The following SERGEF variants were observed in gnomAD, a reference collection of about 807,000 sequenced individuals.
The protein encoded by SERGEF is secretion regulating guanine nucleotide exchange factor.
In SERGEF, 51 loss-of-function variants were observed where a neutral mutation model predicts 50.0. The ratio of observed to expected loss-of-function variants is 1.02; its 90% CI spans 0.81 to 1.29. The LOEUF (loss-of-function observed/expected upper bound fraction) is 1.29, where lower values mean the gene tolerates loss of function less well. SERGEF is among the 50% of genes most tolerant of loss of function. SERGEF has a pLI of 0.00. For synonymous variants in SERGEF, 205 were observed against 212.4 expected (o/e 0.97, Z 0.30); for missense variants, 521 against 557.0 (o/e 0.94, Z 0.65).
chr11:17,943,360 C>G (rs1352022873), intron 9 of SERGEF, among the ~76,000 whole-genome samples: 1 of 152,098 alleles, frequency 6.6e-6, no homozygotes, highest in Non-Finnish European at 1.5e-5. Context: ...AATTTATAGG[C>G]ATAAAGTTAT....
intron 8 of SERGEF, among the ~76,000 whole-genome samples, chr11:17,975,665 A>T (rs534838223): frequency 6.0e-4 from 91 of 152,212 alleles, no homozygotes; most frequent in African/African-American, 2.1e-3. Flanking sequence ...GCCTCAACAG[A>T]GGAGACTGCA....
At chr11:17,939,214 G>C (rs142859835) in intron 9 of SERGEF, among the ~76,000 whole-genome samples, 2 of 152,274 alleles carry the variant, frequency 1.3e-5, no homozygotes, top group Middle Eastern at 3.4e-3. Context: ...GAGAACAAGA[G>C]GGGAAGGTTG....
chr11:18,009,294 A>G (rs1299781415), intron 1 of SERGEF, among the ~76,000 whole-genome samples: 1 of 152,126 alleles, frequency 6.6e-6, no homozygotes, highest in African/African-American at 2.4e-5. Flanking sequence ...ATATGAGAAG[A>G]GTCCTAGGCA....
chr11:17,811,767 G>C (rs535621345), intron 10 of SERGEF, among the ~76,000 whole-genome samples: 44 of 152,350 alleles, frequency 2.9e-4, no homozygotes, highest in African/African-American at 1.0e-3. Flanking sequence ...AAGATTGGAA[G>C]AGAAACAAAT....
At chr11:17,886,540 T>C (rs1364415725) in intron 9 of SERGEF, among the ~76,000 whole-genome samples, 1 of 152,018 alleles carries the variant, frequency 6.6e-6, no homozygotes, top group African/African-American at 2.4e-5. Context: ...TCACTTAACC[T>C]GGGAGGCGAA....
intron 9 of SERGEF, among the ~76,000 whole-genome samples, chr11:17,883,867 G>A (rs1365972924): frequency 1.3e-5 from 2 of 152,204 alleles, no homozygotes; most frequent in Non-Finnish European, 2.9e-5. Context: ...ACAAAGTTCT[G>A]TCGCCTGCCC....
At chr11:17,831,037 G>A (rs148290233) in intron 10 of SERGEF, among the ~76,000 whole-genome samples, 175 of 151,974 alleles carry the variant, frequency 1.2e-3, no homozygotes, top group African/African-American at 3.9e-3. Context: ...CTATTTTCAC[G>A]GTAAACTGAA....
chr11:17,830,546 G>GAGAGAGGGAGAGAGAGAGGA (rs1850275171), intron 10 of SERGEF, among the ~76,000 whole-genome samples: 1 of 150,152 alleles, frequency 6.7e-6, no homozygotes, highest in African/African-American at 2.5e-5. Flanking sequence ...GAGAGAGGAA[G>GAGAGAGGGAGAGAGAGAGGA]AGAGAGGGAG....
chr11:17,899,373 C>T (rs571841471), intron 9 of SERGEF, among the ~76,000 whole-genome samples: 10 of 152,226 alleles, frequency 6.6e-5, no homozygotes, highest in African/African-American at 1.9e-4. Flanking sequence ...AAGTACAATG[C>T]TAAGAGTTTT....
chr11:17,849,132 G>A (rs1437487489), intron 10 of SERGEF, among the ~76,000 whole-genome samples: 1 of 152,166 alleles, frequency 6.6e-6, no homozygotes. Flanking sequence ...GTGTTTACAT[G>A]CACATGTGAA....
intron 9 of SERGEF, among the ~76,000 whole-genome samples, chr11:17,906,087 ACTCATTCCTT>A (rs1851834949): frequency 6.6e-6 from 1 of 151,602 alleles, no homozygotes; most frequent in Non-Finnish European, 1.5e-5. Context: ...TGGCATAACC[ACTCATTCCTT>A]CTCTAGGAGC....
At chr11:17,822,226 G>A (rs1238460204) in intron 10 of SERGEF, among the ~76,000 whole-genome samples, 11 of 152,184 alleles carry the variant, frequency 7.2e-5, no homozygotes, top group Admixed American at 2.6e-4. Flanking sequence ...AACCCAGCAG[G>A]CAGGCAGCAG....
intron 6 of SERGEF, among the ~76,000 whole-genome samples, chr11:17,994,152 C>A (rs1590239460): frequency 1.3e-5 from 2 of 152,156 alleles, no homozygotes; most frequent in African/African-American, 2.4e-5. Context: ...GCTATCCATG[C>A]ATGTGAAGTT....
At chr11:17,891,755 C>T (rs1001000761) in intron 9 of SERGEF, among the ~76,000 whole-genome samples, 2 of 152,170 alleles carry the variant, frequency 1.3e-5, no homozygotes, top group African/African-American at 4.8e-5. Context: ...TATTCTAAAA[C>T]AGAGTGGTAT....
chr11:17,893,474 T>A (rs1407487612), intron 9 of SERGEF, among the ~76,000 whole-genome samples: 2 of 152,222 alleles, frequency 1.3e-5, no homozygotes, highest in African/African-American at 4.8e-5. Context: ...CCATCTCCCT[T>A]GATATCCCCA....
At chr11:17,932,800 G>C (rs1852380630) in intron 9 of SERGEF, among the ~76,000 whole-genome samples, 1 of 152,072 alleles carries the variant, frequency 6.6e-6, no homozygotes, top group South Asian at 2.1e-4. Context: ...CTTCAAGCTG[G>C]GTGGCTGGGA....
chr11:17,807,284 G>A (rs1191377558), intron 10 of SERGEF, among the ~76,000 whole-genome samples: 2 of 152,188 alleles, frequency 1.3e-5, no homozygotes, highest in East Asian at 3.9e-4. Context: ...GAGCTGCCCC[G>A]GCAGTGCCAT....
At chr11:17,979,750 T>C (rs780148396) in intron 8 of SERGEF, among the ~76,000 whole-genome samples, 4 of 152,144 alleles carry the variant, frequency 2.6e-5, no homozygotes, top group Non-Finnish European at 5.9e-5. Flanking sequence ...TGTGTGACTT[T>C]AACTAGGTCG....
chr11:17,967,059 C>T lies in SERGEF; in HGVS notation c.845-7423G>A, dbSNP rs1028688399. On this transcript the variant is annotated intron_variant, in intron 8 of 10. Coordinates refer to ENST00000265965, the MANE Select transcript of SERGEF (RefSeq NM_012139.4). Reference sequence around the variant, plus strand: ...ATAATAATTGCTAATATTTTGAGGGCTATTTCATGCTAAACTCTTCATATG... The same window carrying T: ...ATAATAATTGCTAATATTTTGAGGGTTATTTCATGCTAAACTCTTCATATG... 3.3e-5 allele frequency among the ~76,000 whole-genome samples: 5 copies of T among 152,236 alleles called. No homozygotes were observed. In the East Asian group the frequency reaches 9.6e-4, roughly 29 times the overall value.
Sources: gnomAD v4.1 joint callset for allele counts (sites outside exome capture counted in the v4.1 genomes callset) on GRCh38, gnomAD v4.1.1 for gene constraint, MANE v1.5 for transcripts, NCBI Gene and HGNC (gene_info 2026-07-23, HGNC 2026-07-21) for gene names.